The following NRXN1 variants were observed in gnomAD, a reference collection of about 807,000 sequenced individuals.
NRXN1 encodes neurexin 1, also known as neurexin-1.
In NRXN1, 39 loss-of-function variants were observed where a neutral mutation model predicts 150.9. The ratio of observed to expected loss-of-function variants is 0.26; its 90% CI spans 0.20 to 0.34. NRXN1 has a LOEUF of 0.34. NRXN1 is among the 10% of genes least tolerant of loss of function. The probability of loss-of-function intolerance (pLI) is 1.00; values close to 1 mark genes in which losing one functional copy is unlikely to be tolerated. For synonymous variants in NRXN1, 924 were observed against 757.0 expected, an observed-to-expected ratio of 1.22 and a Z score of -3.62; for missense variants, 1,815 against 1,949.9, an observed-to-expected ratio of 0.93 and a Z score of 1.30.
intron 5 of NRXN1, among the ~76,000 whole-genome samples, chr2:50,830,698 A>G (rs1671285902): frequency 1.3e-5 from 2 of 149,642 alleles, no homozygotes; most frequent in African/African-American, 4.9e-5. Flanking sequence ...TGCTTGGTCC[A>G]TTTATAATAC....
Position 50,346,233 on chromosome 2 carries a change from C to CG in NRXN1, c.3365-109264dup, listed in dbSNP as rs2077956212. Among the ~76,000 whole-genome samples, 1 of 152,186 alleles carries CG rather than the reference C, an allele frequency of 6.6e-6. No homozygotes were observed. ...GTGCGGGCTGGAATCTCTCCCTCCC[C>CG]GCCCCCCGGGGCCAGGGAAGATGGG... is the stretch of plus-strand genomic sequence containing the variant. On this transcript the variant is annotated intron_variant, in intron 17 of 22. Coordinates refer to ENST00000401669, the MANE Select transcript of NRXN1 (RefSeq NM_001330078.2). This position sits in a 1 kb window ranked among gnomAD's most constrained non-coding sequence, Gnocchi z 5.0.
intron 17 of NRXN1, among the ~76,000 whole-genome samples, chr2:50,339,086 A>G (rs1420708642): frequency 1.3e-5 from 2 of 152,224 alleles, no homozygotes; most frequent in African/African-American, 4.8e-5. Flanking sequence ...TCGTTAGTCC[A>G]ATGGCAACCC....
chr2:50,560,560 G>A (rs995412605), intron 8 of NRXN1, among the ~76,000 whole-genome samples: 1 of 152,066 alleles, frequency 6.6e-6, no homozygotes, highest in Non-Finnish European at 1.5e-5. Flanking sequence ...AGCCTCTGGA[G>A]TAGCTGGGAC....
rs1429171241 is a variant in NRXN1 at position 49,921,794 on chromosome 2, TTTTTA to T, written c.*145_*149del. Reference sequence around the variant, plus strand: ...GAGAAACAAGAGCATGAGATACTTGTTTTTATTTTTTAAAAAGTCTTTCCTTCCTG... The same window carrying T: ...GAGAAACAAGAGCATGAGATACTTGTTTTTTTAAAAAGTCTTTCCTTCCTG... On this transcript the variant is annotated 3_prime_UTR_variant, in exon 23 of 23. Coordinates refer to ENST00000401669, the MANE Select transcript of NRXN1 (RefSeq NM_001330078.2). 1 of 823,936 alleles carries T rather than the reference TTTTTA, an allele frequency of 1.2e-6. No homozygotes were observed. The highest frequency in any genetic ancestry group is 1.7e-5 in the African/African-American group (1 of 57,744). 51.0% of individuals were successfully genotyped at this position (823,936 alleles called of 1,614,324 possible).
rs1485085622 is a variant in NRXN1 at position 49,943,766 on chromosome 2, G to A, written c.4154C>T (p.Ser1385Leu). ...SQTTDDILVA[S>L]AECPSDDEDI... ...CTCATCATCGCTGGGACACTCTGCT[G>A]AGGCCACAAGGATGTCATCTGTGGT... The change falls in exon 22 of 23, where the codon TCA becomes TTA. Residue 1385 changes from serine to leucine, a missense_variant. By Grantham distance (145) the Ser-to-Leu change is moderately radical (BLOSUM62 -2). Around this residue, in one of 6 missense-constraint regions of NRXN1, gnomAD observed 265 missense variants for 307.1 expected, o/e 0.86. Transcript: ENST00000401669. 6.2e-7 allele frequency: 1 copy of A among 1,611,820 alleles called. No homozygotes were observed.
At chr2:50,944,424 T>C (rs1689990224) in intron 2 of NRXN1, among the ~76,000 whole-genome samples, 1 of 152,178 alleles carries the variant, frequency 6.6e-6, no homozygotes, top group African/African-American at 2.4e-5. Flanking sequence ...AGAATCTACT[T>C]CATAGGATTA....
At chr2:49,927,676 C>T (rs1312641232) in intron 22 of NRXN1, among the ~76,000 whole-genome samples, 1 of 152,118 alleles carries the variant, frequency 6.6e-6, no homozygotes, top group East Asian at 1.9e-4. Context: ...TGCAACTCTG[C>T]ATGATAAATG....
At chr2:50,396,914 A>G (rs2103881588) in intron 17 of NRXN1, among the ~76,000 whole-genome samples, 1 of 152,264 alleles carries the variant, frequency 6.6e-6, no homozygotes, top group East Asian at 1.9e-4. Flanking sequence ...ACTTAAGGTC[A>G]AAGTTGTTGA....
At chr2:49,997,839 A>C (rs974002430) in intron 21 of NRXN1, among the ~76,000 whole-genome samples, 10 of 152,104 alleles carry the variant, frequency 6.6e-5, no homozygotes, top group African/African-American at 2.4e-4. Context: ...GAATCTGAGG[A>C]AGCTGGGCCG....
At chr2:50,770,898 T>C (rs1559237556) in intron 5 of NRXN1, among the ~76,000 whole-genome samples, 1 of 151,988 alleles carries the variant, frequency 6.6e-6, no homozygotes. Flanking sequence ...TCAATACATA[T>C]CCACAGTACT....
At chr2:50,493,536 T>C (rs1035689374) in intron 15 of NRXN1, among the ~76,000 whole-genome samples, 1 of 152,178 alleles carries the variant, frequency 6.6e-6, no homozygotes, top group Non-Finnish European at 1.5e-5. Flanking sequence ...CCAAAGTCAA[T>C]GCTCCATAAA....
At chr2:50,855,721 C>T (rs1343317899) in intron 5 of NRXN1, among the ~76,000 whole-genome samples, 1 of 151,786 alleles carries the variant, frequency 6.6e-6, no homozygotes, top group Non-Finnish European at 1.5e-5. Flanking sequence ...AATAATTTTC[C>T]TTAATATTTA....
chr2:50,211,427 T>A (rs2063004717), intron 18 of NRXN1, among the ~76,000 whole-genome samples: 1 of 151,592 alleles, frequency 6.6e-6, no homozygotes, highest in South Asian at 2.1e-4. Context: ...ATATTCATAG[T>A]CCCTAAAAGA....
chr2:50,786,479 C>T (rs972837157), intron 5 of NRXN1, among the ~76,000 whole-genome samples: 6 of 152,036 alleles, frequency 3.9e-5, no homozygotes, highest in Non-Finnish European at 5.9e-5. Context: ...GGTTTTCGGA[C>T]GGAATTTCAT....
At chr2:50,075,815 A>C (rs983995833) in intron 19 of NRXN1, among the ~76,000 whole-genome samples, 1 of 151,210 alleles carries the variant, frequency 6.6e-6, no homozygotes, top group African/African-American at 2.4e-5. Context: ...AAACAGCTCT[A>C]CTTTCAGGAA....
intron 22 of NRXN1, among the ~76,000 whole-genome samples, chr2:49,935,249 G>C (rs1049399957): frequency 2.0e-5 from 3 of 152,260 alleles, no homozygotes; most frequent in Middle Eastern, 3.4e-3. Flanking sequence ...TCAATGACTT[G>C]CCTCTAATTA....
chr2:51,027,315 A>T (rs1016557808), intron 2 of NRXN1, among the ~76,000 whole-genome samples, 187 bp downstream of exon 2: 4 of 152,200 alleles, frequency 2.6e-5, no homozygotes, highest in Non-Finnish European at 5.9e-5. Flanking sequence ...GCCAATCCTT[A>T]GGAGGATGTC....
chr2:50,387,520 A>G (rs923786355), intron 17 of NRXN1, among the ~76,000 whole-genome samples: 1 of 152,116 alleles, frequency 6.6e-6, no homozygotes, highest in East Asian at 1.9e-4. Context: ...TTGTCCTTTA[A>G]AAATATATAA....
intron 5 of NRXN1, among the ~76,000 whole-genome samples, chr2:50,681,000 T>C (rs2104798022): frequency 6.6e-6 from 1 of 152,324 alleles, no homozygotes; most frequent in South Asian, 2.1e-4. Context: ...ATTCTGTGTC[T>C]TCACATAAAG....
Sources: gnomAD v4.1 joint callset for allele counts (sites outside exome capture counted in the v4.1 genomes callset) on GRCh38, gnomAD v4.1.1 for gene constraint, gnomAD v4.1.1 regional missense constraint, Gnocchi (gnomAD v3.1) non-coding constraint, MANE v1.5 for transcripts, NCBI Gene and HGNC (gene_info 2026-07-23, HGNC 2026-07-21) for gene names.